The following CDC42BPG variants were observed in gnomAD, a reference collection of about 807,000 sequenced individuals.
CDC42BPG encodes CDC42 binding protein kinase gamma.
A neutral mutation model predicts 192.2 loss-of-function variants in CDC42BPG; 157 were observed. That is an observed-to-expected ratio of 0.82 (90% confidence interval 0.72 to 0.93). The LOEUF (loss-of-function observed/expected upper bound fraction) is 0.93. Ranked by LOEUF, CDC42BPG falls within the 40% of genes least tolerant of loss-of-function variation. The pLI is 0.00. For missense variants in CDC42BPG, 1,992 were observed against 2,122.1 expected (o/e 0.94, Z 1.20); for synonymous variants, 981 against 918.5 (o/e 1.07, Z -1.23).
rs1943238937 is a variant in CDC42BPG, at chr11:64,840,623, T to C, written c.362A>G (p.Asp121Gly). Residue 121 changes from aspartate (D) to glycine (G), a missense_variant, in exon 4 of 37, where the codon GAT (aspartate) becomes GGT (glycine). By Grantham distance (94) the Asp-to-Gly change is moderately conservative. This residue lies in a region of CDC42BPG where 1,656 missense variants were observed against 1,844.3 expected (regional missense o/e 0.90). Transcript: ENST00000342711. ...ACGGCTGTCCCCTTTCACGAGCACA[T>C]CCCGCTCCTCCCGGAAACAGGCTGT... The part of the protein sequence containing the change: ...AETACFREER[D>G]VLVKGDSRWV... The C allele has an allele frequency of 6.2e-7, 1 of 1,613,672 alleles. No individual in the cohort carries two copies.
intron 23 of CDC42BPG, 127 bp downstream of exon 23, chr11:64,833,473 C>T: frequency 9.7e-7 from 1 of 1,026,586 alleles, no homozygotes; most frequent in Non-Finnish European, 1.4e-6. Flanking sequence ...CAGGCAAGCT[C>T]ATCGCCACCA....
chr11:64,824,267 A>C lies in CDC42BPG; in HGVS notation c.*206T>G. 1 of 640,884 alleles carries C rather than the reference A, an allele frequency of 1.6e-6. No individual in the cohort carries two copies. Among genetic ancestry groups the C allele is most frequent in the Non-Finnish European group, 2.9e-6 (1 of 348,960 alleles). The allele number at this position is 640,884 out of a possible 1,614,324, so 39.7% of individuals were successfully genotyped here. Reference sequence around the variant, plus strand: ...TGGCTTAGAAAGGCTGGGGCTGGGAACAGAGGGGTAAGGCAGGATGAGGGC... The same window carrying C: ...TGGCTTAGAAAGGCTGGGGCTGGGACCAGAGGGGTAAGGCAGGATGAGGGC... On this transcript the variant is annotated 3_prime_UTR_variant, in exon 37 of 37. Transcript: ENST00000342711.
chr11:64,828,230 T>C (rs1942524649), intron 30 of CDC42BPG, among the ~76,000 whole-genome samples: 1 of 152,144 alleles, frequency 6.6e-6, no homozygotes, highest in African/African-American at 2.4e-5. Flanking sequence ...CTTCCAGCCC[T>C]TACCCATCAT....
At chr11:64,827,467 C>T in intron 32 of CDC42BPG, 60 bp downstream of exon 32, 1 of 1,603,868 alleles carries the variant, frequency 6.2e-7, no homozygotes, top group South Asian at 1.1e-5. Flanking sequence ...GCATTCAGGG[C>T]CACACAGCCA....
Position 64,836,543 on chromosome 11 carries a change from G to A in CDC42BPG, c.1385-13C>T, listed in dbSNP as rs1027364569. On this transcript the variant is annotated splice_polypyrimidine_tract_variant and intron_variant, in intron 11 of 36. Coordinates refer to ENST00000342711, the MANE Select transcript of CDC42BPG (RefSeq NM_017525.3). ...TCCCTCAGCATCTCTGCCAGGAAGA[G>A]TCACTGAGACCTCGAGTGCTGGCGG... is the stretch of plus-strand genomic sequence containing the variant. 2 of 1,610,488 alleles carry A rather than the reference G, an allele frequency of 1.2e-6. No homozygotes were observed. Among genetic ancestry groups the A allele is most frequent in the African/African-American group, 2.7e-5 (2 of 74,856 alleles).
intron 6 of CDC42BPG, 101 bp downstream of exon 6, chr11:64,839,376 CG>C: frequency 4.7e-6 from 7 of 1,494,404 alleles, no homozygotes; most frequent in African/African-American, 1.4e-5. Flanking sequence ...CCACCTTCCC[CG>C]GGGGGCCTGA....
Position 64,827,275 on chromosome 11 carries a change from C to T in CDC42BPG, c.4271+3G>A. 6.2e-7 allele frequency: 1 copy of T among 1,613,572 alleles called. No individual in the cohort carries two copies. On this transcript the variant is annotated splice_donor_region_variant and intron_variant, in intron 33 of 36. Transcript: ENST00000342711. ...CCTCAGCCCCCGCGTCGTGCACGCGCACCTGCGCTGCTGCTTCTGCTGCTC... is the reference window on the plus strand; with the variant it reads ...CCTCAGCCCCCGCGTCGTGCACGCGTACCTGCGCTGCTGCTTCTGCTGCTC...
In CDC42BPG at chr11:64,827,733, A is replaced by C; in HGVS notation, c.4018T>G (p.Phe1340Val). The C allele has an allele frequency of 6.2e-7, 1 of 1,613,096 alleles. No homozygotes were observed. The highest frequency in any genetic ancestry group is 8.5e-7 in the Non-Finnish European group (1 of 1,179,544). ...ACCCATTCTGCCCTCCTCACGTCAA[A>C]CACATCGATGGAGTTCTCGCTGAAC... ...TVFSENSIDVFDVRRAEWVQT... is the reference protein window; with the variant it reads ...TVFSENSIDVVDVRRAEWVQT... Residue 1340 changes from phenylalanine (F) to valine (V), a missense_variant, in exon 31 of 37, where the codon TTT becomes GTT. Around this residue, in one of 2 missense-constraint regions of CDC42BPG, gnomAD observed 1,656 missense variants for 1,844.3 expected, o/e 0.90. Coordinates refer to ENST00000342711, the MANE Select transcript of CDC42BPG (RefSeq NM_017525.3).
chr11:64,832,791 C>T (rs1942761790), intron 25 of CDC42BPG, 35 bp downstream of exon 25: 1 of 1,592,466 alleles, frequency 6.3e-7, no homozygotes, highest in Non-Finnish European at 8.5e-7. Flanking sequence ...CTCAGCCCCC[C>T]ATGCCCATCT....
Position 64,844,532 on chromosome 11 carries a change from C to A in CDC42BPG, c.38G>T (p.Arg13Leu). The A allele has an allele frequency of 1.5e-6, 2 of 1,304,096 alleles. No individual in the cohort carries two copies. Among genetic ancestry groups the A allele is most frequent in the Non-Finnish European group, 1.9e-6 (2 of 1,027,284 alleles). The allele number at this position is 1,304,096 out of a possible 1,614,324, so 80.8% of individuals were successfully genotyped here. Residue 13 changes from arginine (R) to leucine (L), a missense_variant, in exon 1 of 37, where the codon CGG becomes CTG. Physicochemically the swap from Arg to Leu is moderately radical, Grantham distance 102. Around this residue, in one of 2 missense-constraint regions of CDC42BPG, gnomAD observed 1,656 missense variants for 1,844.3 expected, o/e 0.90. Transcript: ENST00000342711. Reference sequence around the variant, plus strand: ...CCCCGGGCAGCCGCCGGCCTCGCCCCGCGCCAGCTGCTCCAGCGCGCGCAG... The same window carrying A: ...CCCCGGGCAGCCGCCGGCCTCGCCCAGCGCCAGCTGCTCCAGCGCGCGCAG... ...RRLRALEQLARGEAGGCPGLD... is the reference protein window; with the variant it reads ...RRLRALEQLALGEAGGCPGLD...
At chr11:64,843,038 T>C (rs887944309) in intron 1 of CDC42BPG, among the ~76,000 whole-genome samples, 1 of 151,650 alleles carries the variant, frequency 6.6e-6, no homozygotes, top group African/African-American at 2.4e-5. Context: ...CCCGTGGGAG[T>C]TGAAGCCAGC....
Position 64,834,855 on chromosome 11 carries a change from C to A in CDC42BPG, c.2169G>T (p.Arg723=). Residue 723 remains arginine (R), a synonymous_variant, in exon 18 of 37, where the codon CGG becomes CGT. Coordinates refer to ENST00000342711, the MANE Select transcript of CDC42BPG (RefSeq NM_017525.3). ...GGGCATCTCTGGGGCTCACCAGTGGCCGGGCAGGGAGCGTCTGGGTGCCTA... is the reference window on the plus strand; with the variant it reads ...GGGCATCTCTGGGGCTCACCAGTGGACGGGCAGGGAGCGTCTGGGTGCCTA... ...RNVGTQTLPA[R]PLDHQWKARR... 2 of 1,612,630 alleles carry A rather than the reference C, an allele frequency of 1.2e-6. No individual in the cohort carries two copies. The highest frequency in any genetic ancestry group is 1.7e-6 in the Non-Finnish European group (2 of 1,179,596).
chr11:64,835,981 C>T, intron 13 of CDC42BPG, 130 bp from the exon 14 acceptor site: 1 of 1,312,698 alleles, frequency 7.6e-7, no homozygotes, highest in South Asian at 1.4e-5. Context: ...ACTGCCCCGT[C>T]CCAGCCACCA....
Position 64,831,540 on chromosome 11 carries a change from G to T in CDC42BPG, c.3269C>A (p.Pro1090Gln). Residue 1090 changes from proline (P) to glutamine (Q), a missense_variant, in exon 28 of 37, where the codon CCG becomes CAG. Physicochemically the swap from Pro to Gln is moderately conservative, Grantham distance 76. Around this residue, in one of 2 missense-constraint regions of CDC42BPG, gnomAD observed 1,656 missense variants for 1,844.3 expected, o/e 0.90. Transcript: ENST00000342711. ...TLKEAYDNGLPLLPHTLCAAI... is the reference protein window; with the variant it reads ...TLKEAYDNGLQLLPHTLCAAI... ...AGCGCAGAGCGTGTGAGGCAGCAGCGGCAGCCCGTTGTCGTAAGCCTCCTT... is the reference window on the plus strand; with the variant it reads ...AGCGCAGAGCGTGTGAGGCAGCAGCTGCAGCCCGTTGTCGTAAGCCTCCTT... 6.2e-7 allele frequency: 1 copy of T among 1,611,510 alleles called. No homozygotes were observed. Among genetic ancestry groups the T allele is most frequent in the South Asian group, 1.1e-5 (1 of 91,014 alleles).
rs1211233004 is a variant in CDC42BPG, at chr11:64,823,180, G to T, written c.*1293C>A. On this transcript the variant is annotated 3_prime_UTR_variant, in exon 37 of 37. Coordinates refer to ENST00000342711, the MANE Select transcript of CDC42BPG (RefSeq NM_017525.3). ...CGGCTCACTGCAAGCTCCGCCTCCC[G>T]GGTTCACGCCATTCTCCTGCCTCAG... 2.0e-5 allele frequency among the ~76,000 whole-genome samples: 3 copies of T among 149,676 alleles called. No individual in the cohort carries two copies. Among genetic ancestry groups the T allele is most frequent in the African/African-American group, 7.4e-5 (3 of 40,706 alleles).
Position 64,838,708 on chromosome 11 carries a change from CCGCAG to C in CDC42BPG, c.1066_1070del (p.Leu356GlyfsTer9). 1.2e-6 allele frequency: 2 copies of C among 1,613,172 alleles called. No individual in the cohort carries two copies. The highest frequency in any genetic ancestry group is 1.7e-6 in the Non-Finnish European group (2 of 1,180,030). ...CAAAGTTGGAGGTGTCCATGGGCCC[CCGCAG>C]CTCAGGAATATAGGGGGCCGTGCTG... is the stretch of plus-strand genomic sequence containing the variant. On this transcript the variant is annotated frameshift_variant, in exon 8 of 37. Coordinates refer to ENST00000342711, the MANE Select transcript of CDC42BPG (RefSeq NM_017525.3). LOFTEE classifies it high-confidence loss of function.
In CDC42BPG at chr11:64,833,674, G is replaced by A. The variant is rs374798885; in HGVS notation, c.2566-15C>T. ...GGGAACACAGCCTGCAGGAGGGCGGGGGAGCAGGTGAGACGGGCAAGGGCG... is the reference window on the plus strand; with the variant it reads ...GGGAACACAGCCTGCAGGAGGGCGGAGGAGCAGGTGAGACGGGCAAGGGCG... On this transcript the variant is annotated splice_polypyrimidine_tract_variant and intron_variant, in intron 22 of 36. Transcript: ENST00000342711. 1.7e-4 allele frequency: 274 copies of A among 1,612,784 alleles called. 1 individual carries two copies. The highest frequency in any genetic ancestry group is 2.2e-4 in the Non-Finnish European group (257 of 1,179,670).
Position 64,840,193 on chromosome 11 carries a change from C to T in CDC42BPG, c.508G>A (p.Glu170Lys), listed in dbSNP as rs139424948. 25 of 1,613,092 alleles carry T rather than the reference C, an allele frequency of 1.5e-5. No individual in the cohort carries two copies. Among genetic ancestry groups the T allele is most frequent in the African/African-American group, 4.0e-5 (3 of 74,934 alleles). Residue 170 changes from glutamate (E) to lysine (K), a missense_variant, in exon 5 of 37, where the codon GAG becomes AAG. Physicochemically the swap from Glu to Lys is moderately conservative, Grantham distance 56 (BLOSUM62 1). Coordinates refer to ENST00000342711, the MANE Select transcript of CDC42BPG (RefSeq NM_017525.3). ...LSRFEDRLPP[E>K]LAQFYLAEMV... The stretch of plus-strand genomic sequence containing the variant: ...TCAGCCAGGTAGAACTGGGCCAGCT[C>T]GGGCGGGAGACGGTCCTCGAAGCGG...
At chr11:64,843,652 A>C (rs1208158114) in intron 1 of CDC42BPG, among the ~76,000 whole-genome samples, 1 of 152,166 alleles carries the variant, frequency 6.6e-6, no homozygotes, top group African/African-American at 2.4e-5. Context: ...AGCTGGCGCC[A>C]GTGCCCACAG....
Sources: allele counts gnomAD v4.1 joint callset (sites outside exome capture counted in the v4.1 genomes callset), GRCh38; gene constraint gnomAD v4.1.1; regional missense constraint gnomAD v4.1.1; transcripts MANE v1.5; gene names NCBI Gene and HGNC (gene_info 2026-07-23, HGNC 2026-07-21).